NELL1: variants seen among roughly 807,000 people sequenced by gnomAD.
NELL1 encodes protein kinase C-binding protein NELL1.
A neutral mutation model predicts 107.4 loss-of-function variants in NELL1; 76 were observed. The observed-to-expected ratio is 0.71, with a 90% CI of 0.59 to 0.86. NELL1 has a LOEUF of 0.86. NELL1 is among the 40% of genes least tolerant of loss of function. NELL1 has a pLI of 0.00. For missense variants in NELL1, 1,024 were observed against 1,005.5 expected (o/e 1.02, Z -0.25); for synonymous variants, 353 against 341.2 (o/e 1.03, Z -0.38).
intron 13 of NELL1, among the ~76,000 whole-genome samples, chr11:21,197,877 T>C (rs1315599419): frequency 2.6e-5 from 4 of 152,336 alleles, no homozygotes; most frequent in South Asian, 2.1e-4. Context: ...AGGGATATCA[T>C]CCTGATTGTA....
chr11:21,147,475 A>G (rs926651880), intron 13 of NELL1, among the ~76,000 whole-genome samples: 1 of 152,142 alleles, frequency 6.6e-6, no homozygotes, highest in Non-Finnish European at 1.5e-5. Flanking sequence ...GCTGGGGCCC[A>G]GATTTCCTGA....
At chr11:21,569,115 A>G (rs939513426) in intron 17 of NELL1, among the ~76,000 whole-genome samples, 3 of 151,752 alleles carry the variant, frequency 2.0e-5, no homozygotes, top group Non-Finnish European at 4.4e-5. Context: ...TCACTAGGTG[A>G]CAGGAATTTT....
chr11:20,878,314 G>A (rs533805233), intron 4 of NELL1, among the ~76,000 whole-genome samples: 128 of 135,210 alleles, frequency 9.5e-4, no homozygotes, highest in Admixed American at 3.5e-3. Context: ...AGCCGAGATC[G>A]CGGCACTGCA....
rs377703422 is a variant in NELL1 at position 20,897,679 on chromosome 11, G to T, written c.603+12139G>T. On this transcript the variant is annotated intron_variant, in intron 5 of 19. Coordinates refer to ENST00000357134, the MANE Select transcript of NELL1 (RefSeq NM_006157.5). ...TTGCAATCTACTCATCTGACAAAGG[G>T]CTAATATCCAGAATCTACAATGAAC... 2.6e-4 allele frequency among the ~76,000 whole-genome samples: 40 copies of T among 152,142 alleles called. 1 individual carries two copies. Among genetic ancestry groups the T allele is most frequent in the Admixed American group, 4.6e-4 (7 of 15,284 alleles).
rs1199583388 is a variant in NELL1 at position 20,727,973 on chromosome 11, T to C, written c.184+49913T>C. Among the ~76,000 whole-genome samples the C allele has an allele frequency of 3.3e-5, 5 of 152,312 alleles. No individual in the cohort carries two copies. The East Asian group carries it at 9.7e-4, about 29-fold the overall frequency. On this transcript the variant is annotated intron_variant, in intron 2 of 19. Transcript: ENST00000357134. ...CACAGCCTAACTAGCATTTGTTGTT[T>C]TTTGGCTGTTTAATAATAGTTATTC...
intron 14 of NELL1, among the ~76,000 whole-genome samples, chr11:21,313,091 A>G (rs1445223152): frequency 3.3e-5 from 5 of 151,954 alleles, no homozygotes; most frequent in Non-Finnish European, 7.4e-5. Context: ...ATAATAAAAT[A>G]ATAAAAATCA....
intron 15 of NELL1, among the ~76,000 whole-genome samples, chr11:21,534,071 C>G (rs1856067076): frequency 6.6e-6 from 1 of 152,166 alleles, no homozygotes; most frequent in Non-Finnish European, 1.5e-5. Flanking sequence ...CACCCAATAC[C>G]AAAACTGTGC....
chr11:21,146,500 G>T (rs568535259), intron 13 of NELL1, among the ~76,000 whole-genome samples: 16 of 152,292 alleles, frequency 1.1e-4, no homozygotes, highest in Admixed American at 9.2e-4. Flanking sequence ...CATAGCTGTG[G>T]TCGTAAGAGT....
At chr11:20,714,604 C>T (rs1404959410) in intron 2 of NELL1, among the ~76,000 whole-genome samples, 1 of 152,040 alleles carries the variant, frequency 6.6e-6, no homozygotes, top group Non-Finnish European at 1.5e-5. Context: ...TCACTGCAGC[C>T]TCGACCTCCC....
At chr11:21,515,702 G>C (rs1243334010) in intron 15 of NELL1, among the ~76,000 whole-genome samples, 1 of 152,152 alleles carries the variant, frequency 6.6e-6, no homozygotes, top group Non-Finnish European at 1.5e-5. Context: ...TGCCCTAAGG[G>C]ATAGTTGTTA....
At chr11:21,247,875 T>A (rs1858534441) in intron 14 of NELL1, among the ~76,000 whole-genome samples, 1 of 152,172 alleles carries the variant, frequency 6.6e-6, no homozygotes. Flanking sequence ...CCAATAGGAA[T>A]TTTTCAGCTC....
chr11:21,079,032 C>A (rs1854204965), intron 12 of NELL1, among the ~76,000 whole-genome samples: 1 of 150,056 alleles, frequency 6.7e-6, no homozygotes. Flanking sequence ...AGTTATAAGA[C>A]TGATAACTAA....
intron 3 of NELL1, among the ~76,000 whole-genome samples, chr11:20,837,108 G>A (rs1848546226): frequency 6.6e-6 from 1 of 152,170 alleles, no homozygotes; most frequent in South Asian, 2.1e-4. Context: ...AATGGCGTAT[G>A]TAGGACTAAA....
chr11:21,415,337 A>C (rs745461143), intron 15 of NELL1, among the ~76,000 whole-genome samples: 1 of 152,054 alleles, frequency 6.6e-6, no homozygotes, highest in Non-Finnish European at 1.5e-5. Context: ...GTTGCCTTGG[A>C]GGAAAACTAG....
At position 20,827,931 on chromosome 11, in the gene NELL1, G is replaced by C. The variant is rs557244548; in HGVS notation, c.336-19652G>C. On this transcript the variant is annotated intron_variant, in intron 3 of 19. Coordinates refer to ENST00000357134, the MANE Select transcript of NELL1 (RefSeq NM_006157.5). ...TAAAAATATCTTAGTCCCAAAGGGA[G>C]ACTGCTAACCGCTGTTGACTCTATG... 2.4e-4 allele frequency among the ~76,000 whole-genome samples: 37 copies of C among 151,342 alleles called. 1 individual carries two copies. Among genetic ancestry groups the C allele is most frequent in the African/African-American group, 8.7e-4 (36 of 41,468 alleles).
At chr11:21,504,558 T>C (rs1855233575) in intron 15 of NELL1, among the ~76,000 whole-genome samples, 1 of 152,188 alleles carries the variant, frequency 6.6e-6, no homozygotes, top group Non-Finnish European at 1.5e-5. Context: ...CTTAATTAAC[T>C]TGATGCTTAC....
intron 4 of NELL1, among the ~76,000 whole-genome samples, chr11:20,874,157 T>C (rs563218914): frequency 5.1e-4 from 77 of 152,290 alleles, no homozygotes; most frequent in African/African-American, 1.8e-3. Flanking sequence ...AACCTCCGCC[T>C]CCTGGGTTTA....
chr11:21,076,175 G>A (rs1025634115), intron 12 of NELL1, among the ~76,000 whole-genome samples: 9 of 152,212 alleles, frequency 5.9e-5, no homozygotes, highest in Middle Eastern at 3.2e-3. Flanking sequence ...TTGGAAGCAG[G>A]CTCAACGCCT....
chr11:21,315,620 T>C (rs545586478), intron 14 of NELL1, among the ~76,000 whole-genome samples: 30 of 152,326 alleles, frequency 2.0e-4, no homozygotes, highest in African/African-American at 6.7e-4. Context: ...TGTTCTTGAA[T>C]CTTGGAGATT....
Sources: allele counts gnomAD v4.1 joint callset (sites outside exome capture counted in the v4.1 genomes callset), GRCh38; gene constraint gnomAD v4.1.1; transcripts MANE v1.5; gene names NCBI Gene and HGNC (gene_info 2026-07-23, HGNC 2026-07-21).